The following ARMH3 variants were observed in gnomAD, a reference collection of about 807,000 sequenced individuals.
ARMH3 encodes the protein armadillo like helical domain containing 3.
In ARMH3, 60 loss-of-function variants were observed where a neutral mutation model predicts 99.1. That is an observed-to-expected ratio of 0.61 (90% CI 0.49 to 0.75). The LOEUF is 0.75. Among genes scored for constraint, ARMH3 ranks in the 30% least tolerant of loss-of-function variants. The pLI is 0.00. For missense variants in ARMH3, 679 were observed against 843.1 expected (o/e 0.81, Z 2.41); for synonymous variants, 285 against 292.8 (o/e 0.97, Z 0.27).
intron 2 of ARMH3, among the ~76,000 whole-genome samples, chr10:102,036,867 A>T (rs1258535480): frequency 1.5e-4 from 21 of 137,520 alleles, no homozygotes; most frequent in South Asian, 2.3e-4. Context: ...AATGATCAAT[A>T]AAAAAAAAAA....
intron 23 of ARMH3, 93 bp downstream of exon 23, chr10:101,939,770 T>C (rs61873604): frequency 0.018 from 18,759 of 1,071,350 alleles, 229 homozygotes; most frequent in Middle Eastern, 0.045. Context: ...AGGCTTAAAA[T>C]AGTAGTAGTG....
At chr10:101,964,448 A>G (rs1845447487) in intron 20 of ARMH3, among the ~76,000 whole-genome samples, 1 of 152,250 alleles carries the variant, frequency 6.6e-6, no homozygotes, top group South Asian at 2.1e-4. Flanking sequence ...CAGCAGCATC[A>G]TTCACAACAG....
intron 23 of ARMH3, among the ~76,000 whole-genome samples, chr10:101,920,302 T>C (rs1843255596): frequency 6.6e-6 from 1 of 152,090 alleles, no homozygotes; most frequent in Admixed American, 6.6e-5. Flanking sequence ...CAGGGAGGAA[T>C]GGTATATCCA....
rs564191162 is a variant in ARMH3, at chr10:101,930,234, A to C, written c.1781+9629T>G. On this transcript the variant is annotated intron_variant, in intron 23 of 25. Transcript: ENST00000370033. Reference sequence around the variant, plus strand: ...GAAACCACAAAATCATCTCAATAGAAGCAAAAAAAGCATTTGACAAAATCC... The same window carrying C: ...GAAACCACAAAATCATCTCAATAGACGCAAAAAAAGCATTTGACAAAATCC... Among the ~76,000 whole-genome samples, 7 of 152,300 alleles carry C rather than the reference A, an allele frequency of 4.6e-5. No individual in the cohort carries two copies. In the South Asian group the frequency reaches 1.5e-3, roughly 32 times the overall value.
At chr10:102,006,718 A>T in intron 13 of ARMH3, 85 bp from the exon 14 acceptor site, 1 of 1,254,006 alleles carries the variant, frequency 8.0e-7, no homozygotes, top group Non-Finnish European at 1.1e-6. Flanking sequence ...AAGGACTGGT[A>T]TTCTGGACCT....
intron 5 of ARMH3, among the ~76,000 whole-genome samples, chr10:102,025,750 A>C (rs1313333291): frequency 1.3e-5 from 2 of 152,132 alleles, no homozygotes; most frequent in Non-Finnish European, 2.9e-5. Flanking sequence ...GCTGGGATCA[A>C]GTCATCCTCC....
intron 22 of ARMH3, among the ~76,000 whole-genome samples, chr10:101,947,478 C>CA (rs1844585204): frequency 1.3e-5 from 2 of 151,610 alleles, no homozygotes; most frequent in Admixed American, 1.3e-4. Context: ...CCTGCTTGAG[C>CA]AACAGAGCAA....
intron 23 of ARMH3, among the ~76,000 whole-genome samples, chr10:101,924,931 T>C (rs945348377): frequency 3.3e-5 from 5 of 152,178 alleles, no homozygotes; most frequent in African/African-American, 4.8e-5. Flanking sequence ...GAGGAGGAAG[T>C]TGCAGTGAGC....
chr10:102,033,265 G>T lies in ARMH3; in HGVS notation c.159+18C>A. On this transcript the variant is annotated intron_variant, in intron 3 of 25. Transcript: ENST00000370033. ...ATTTTAGTTACCAGGAAATTCCACA[G>T]ATGCCACCAACTCTTACCTTCATGA... The T allele has an allele frequency of 6.2e-7, 1 of 1,613,946 alleles. No homozygotes were observed. The highest frequency in any genetic ancestry group is 8.5e-7 in the Non-Finnish European group (1 of 1,179,968).
intron 8 of ARMH3, among the ~76,000 whole-genome samples, chr10:102,019,108 G>A (rs2066818830): frequency 6.6e-6 from 1 of 152,112 alleles, no homozygotes; most frequent in East Asian, 1.9e-4. Context: ...GAGTGTAGTG[G>A]TGCGATCTCA....
At chr10:101,984,494 C>T (rs949258490) in intron 19 of ARMH3, among the ~76,000 whole-genome samples, 2 of 152,110 alleles carry the variant, frequency 1.3e-5, no homozygotes, top group African/African-American at 4.8e-5. Context: ...TCCTGAATGC[C>T]AGCACCTCTC....
At chr10:101,931,855 G>T (rs1432584213) in intron 23 of ARMH3, among the ~76,000 whole-genome samples, 1 of 152,158 alleles carries the variant, frequency 6.6e-6, no homozygotes, top group African/African-American at 2.4e-5. Context: ...ATTTGGCAAT[G>T]ATTTCTTGGA....
intron 2 of ARMH3, among the ~76,000 whole-genome samples, chr10:102,034,702 G>C (rs1198739426): frequency 1.3e-5 from 2 of 151,362 alleles, no homozygotes; most frequent in African/African-American, 4.9e-5. Context: ...AAATAAGTAG[G>C]TCAATAGCCC....
rs1249758964 is a variant in ARMH3 at position 101,846,978 on chromosome 10, G to C, written c.*550C>G. Reference sequence around the variant, plus strand: ...TCCGTCTCAGAAAAAAAAGGAAAAAGGTACCCTATTCCTATCTTACCCTAA... The same window carrying C: ...TCCGTCTCAGAAAAAAAAGGAAAAACGTACCCTATTCCTATCTTACCCTAA... On this transcript the variant is annotated 3_prime_UTR_variant, in exon 26 of 26. Transcript: ENST00000370033. 1 of 152,402 alleles carries C rather than the reference G, an allele frequency of 6.6e-6. No homozygotes were observed. The highest frequency in any genetic ancestry group is 1.5e-5 in the Non-Finnish European group (1 of 68,262). 9.4% of individuals were successfully genotyped at this position (152,402 alleles called of 1,614,324 possible). A position where few individuals can be genotyped will look rare whatever the true frequency, so the allele number is the denominator to read the frequency against.
At chr10:101,927,147 G>A (rs1205546650) in intron 23 of ARMH3, among the ~76,000 whole-genome samples, 2 of 152,062 alleles carry the variant, frequency 1.3e-5, no homozygotes, top group East Asian at 3.8e-4. Flanking sequence ...AGAATAAAAG[G>A]CATATGTCAG....
At chr10:101,926,603 C>T (rs753356747) in intron 23 of ARMH3, among the ~76,000 whole-genome samples, 12 of 151,936 alleles carry the variant, frequency 7.9e-5, no homozygotes, top group Non-Finnish European at 1.5e-4. Flanking sequence ...TTTTTAAGTA[C>T]CCTAGATATA....
In ARMH3 at chr10:101,980,536, C is replaced by CG. The variant is rs903002307; in HGVS notation, c.1407-5237dup. Among the ~76,000 whole-genome samples the CG allele has an allele frequency of 3.8e-4, 58 of 152,130 alleles. No individual in the cohort carries two copies. In the Middle Eastern group the frequency reaches 0.01, roughly 27 times the overall value. On this transcript the variant is annotated intron_variant, in intron 19 of 25. Transcript: ENST00000370033. Reference sequence around the variant, plus strand: ...CTGGTCTCAAACTCCCAACGTCAGGCGGTCCGCCCACCTCAGCCTCCCAAA... The same window carrying CG: ...CTGGTCTCAAACTCCCAACGTCAGGCGGGTCCGCCCACCTCAGCCTCCCAAA...
chr10:101,846,110 A>G lies in ARMH3; in HGVS notation c.*1418T>C, dbSNP rs903814049. ...ACAAGCCAACTCCCCATAAGTCAGG[A>G]GATTTGCCTGTGGCCCCACCCAGAA... On this transcript the variant is annotated 3_prime_UTR_variant, in exon 26 of 26. Transcript: ENST00000370033. 6.6e-6 allele frequency: 1 copy of G among 152,272 alleles called. No homozygotes were observed. Among genetic ancestry groups the G allele is most frequent in the African/African-American group, 2.4e-5 (1 of 41,440 alleles). 9.4% of individuals were successfully genotyped at this position (152,272 alleles called of 1,614,324 possible).
Position 101,907,391 on chromosome 10 carries a change from T to G in ARMH3, c.1782-17901A>C, listed in dbSNP as rs142285583. Among the ~76,000 whole-genome samples the G allele has an allele frequency of 2.8e-3, 427 of 151,732 alleles. 1 individual carries two copies. The highest frequency in any genetic ancestry group is 4.4e-3 in the Non-Finnish European group (296 of 67,864). ...TGTTTTTGTCTTTGTTTTTGTTTTT[T>G]TTTTTTTTTGAGACAGGGTCTCACT... On this transcript the variant is annotated intron_variant, in intron 23 of 25. Transcript: ENST00000370033.
Sources: allele counts gnomAD v4.1 joint callset (sites outside exome capture counted in the v4.1 genomes callset), GRCh38; gene constraint gnomAD v4.1.1; transcripts MANE v1.5; gene names NCBI Gene and HGNC (gene_info 2026-07-23, HGNC 2026-07-21).